TULP4: variants seen among roughly 807,000 people sequenced by gnomAD.
TULP4 encodes the protein tubby-related protein 4.
In TULP4, 16 loss-of-function variants were observed where a neutral mutation model predicts 129.0. That is an observed-to-expected ratio of 0.12 (90% CI 0.08 to 0.19). The LOEUF is 0.19. TULP4 is among the 10% of genes least tolerant of loss of function. TULP4 has a pLI of 1.00. For missense variants in TULP4, 1,842 were observed against 2,059.1 expected (o/e 0.89, Z 2.04); for synonymous variants, 998 against 854.0 (o/e 1.17, Z -2.94).
chr6:158,242,439 A>G (rs1777941813), intron 1 of TULP4: 1 of 1,064,278 alleles, frequency 9.4e-7, no homozygotes, highest in African/African-American at 1.6e-5. Context: ...TTATGCCACT[A>G]AGCATTCATC....
chr6:158,316,754 C>T (rs1166919628), intron 1 of TULP4, among the ~76,000 whole-genome samples: 1 of 152,146 alleles, frequency 6.6e-6, no homozygotes, highest in Non-Finnish European at 1.5e-5. Flanking sequence ...GGCTGGGAAA[C>T]GTGGTACCAG....
intron 1 of TULP4, among the ~76,000 whole-genome samples, chr6:158,323,508 T>A: frequency 6.8e-6 from 1 of 146,536 alleles, no homozygotes; most frequent in East Asian, 2.0e-4. Flanking sequence ...TTTCTGTTCA[T>A]GTGAGCATAT....
chr6:158,298,265 T>C (rs185367206), intron 1 of TULP4, among the ~76,000 whole-genome samples: 13 of 152,308 alleles, frequency 8.5e-5, no homozygotes, highest in African/African-American at 2.9e-4. Context: ...GTTAACACAA[T>C]TATCACAGTG....
chr6:158,269,839 G>T (rs965248910), intron 1 of TULP4, among the ~76,000 whole-genome samples: 1 of 152,232 alleles, frequency 6.6e-6, no homozygotes, highest in African/African-American at 2.4e-5. Flanking sequence ...AAGTTACCCA[G>T]TCAGGTGGTG....
intron 1 of TULP4, among the ~76,000 whole-genome samples, chr6:158,346,128 G>A (rs1246904004): frequency 6.6e-6 from 1 of 152,064 alleles, no homozygotes; most frequent in Non-Finnish European, 1.5e-5. Flanking sequence ...CTGTTATTCT[G>A]TTCTTTTTCA....
At chr6:158,408,285 C>G (rs1028284722) in intron 1 of TULP4, among the ~76,000 whole-genome samples, 1 of 151,966 alleles carries the variant, frequency 6.6e-6, no homozygotes, top group Non-Finnish European at 1.5e-5. Flanking sequence ...AAGGGTGGCA[C>G]GAAGCATGTG....
chr6:158,290,427 T>G (rs1181530178), intron 1 of TULP4, among the ~76,000 whole-genome samples: 1 of 152,250 alleles, frequency 6.6e-6, no homozygotes, highest in Non-Finnish European at 1.5e-5. Context: ...CTTTGTTGGA[T>G]GAATAATTTT....
chr6:158,453,485 C>CAAA lies in TULP4; in HGVS notation c.859+1239_859+1241dup, dbSNP rs869146924. ...GGTGACAGAGCGAGACTCTGTCTCA[C>CAAA]AAAAAAAAAAAAAAAAAAAAAAAAG... On this transcript the variant is annotated intron_variant, in intron 5 of 13. Transcript: ENST00000367097. 8.9e-3 allele frequency among the ~76,000 whole-genome samples: 159 copies of CAAA among 17,914 alleles called. 11 individuals are homozygous for CAAA. Among genetic ancestry groups the CAAA allele is most frequent in the African/African-American group, 7.7e-3 (37 of 4,788 alleles). The allele number at this position is 17,914 out of a possible 152,430, so 11.8% of individuals were successfully genotyped here.
rs1390849326 is a variant in TULP4, at chr6:158,503,073, A to G, written c.3410A>G (p.Glu1137Gly). The change falls in exon 13 of 14, where the codon GAA becomes GGA. Residue 1137 changes from glutamate to glycine, a missense_variant. Around this residue, in one of 5 missense-constraint regions of TULP4, gnomAD observed 1,089 missense variants for 987.1 expected, o/e 1.10. Transcript: ENST00000367097. This position sits in a 1 kb window ranked among gnomAD's most constrained non-coding sequence, Gnocchi z 4.3. ...MLGEDVWVPQ[E>G]RTAQTSGPNP... ...GGTGAGGATGTTTGGGTTCCTCAAG[A>G]AAGGACAGCACAGACTTCAGGGCCC... 1 of 1,614,100 alleles carries G rather than the reference A, an allele frequency of 6.2e-7. No homozygotes were observed. The highest frequency in any genetic ancestry group is 2.2e-5 in the East Asian group (1 of 44,876).
intron 1 of TULP4, among the ~76,000 whole-genome samples, chr6:158,397,621 ATTC>A (rs1195411943): frequency 3.3e-5 from 5 of 152,024 alleles, no homozygotes; most frequent in Non-Finnish European, 5.9e-5. Flanking sequence ...GCCCAAGACA[ATTC>A]TTCTTCCAGT....
At chr6:158,245,383 C>T (rs1778009651) in intron 1 of TULP4, among the ~76,000 whole-genome samples, 1 of 151,624 alleles carries the variant, frequency 6.6e-6, no homozygotes, top group South Asian at 2.1e-4. Flanking sequence ...GCTGTTCCTT[C>T]TCTTGCTGAT....
At chr6:158,417,242 C>G (rs375537827) in intron 2 of TULP4, among the ~76,000 whole-genome samples, 1 of 152,174 alleles carries the variant, frequency 6.6e-6, no homozygotes, top group Non-Finnish European at 1.5e-5. Context: ...TCCATAGCAG[C>G]TGTGCAGTCA....
At chr6:158,338,859 C>G (rs1370387655) in intron 1 of TULP4, among the ~76,000 whole-genome samples, 1 of 152,218 alleles carries the variant, frequency 6.6e-6, no homozygotes, top group Non-Finnish European at 1.5e-5. Flanking sequence ...AATATTCTCT[C>G]TGGCTCTGGG....
At chr6:158,246,211 A>C (rs532750478) in intron 1 of TULP4, among the ~76,000 whole-genome samples, 1 of 152,298 alleles carries the variant, frequency 6.6e-6, no homozygotes, top group African/African-American at 2.4e-5. Context: ...CTAAAATTAA[A>C]TACATCTGGG....
intron 1 of TULP4, among the ~76,000 whole-genome samples, chr6:158,369,064 TA>T (rs1777010585): frequency 6.6e-6 from 1 of 152,188 alleles, no homozygotes; most frequent in African/African-American, 2.4e-5. Context: ...AGAATTCATT[TA>T]AAAAATACAA....
In TULP4 at chr6:158,399,541, T is replaced by C. The variant is rs537185600; in HGVS notation, c.253-13524T>C. ...AGGACCACACTTGAGTTAGAATCAG[T>C]GAAGTGTACTTACTGGTGGTGGTAA... On this transcript the variant is annotated intron_variant, in intron 1 of 13. Transcript: ENST00000367097. 5.3e-5 allele frequency among the ~76,000 whole-genome samples: 8 copies of C among 152,320 alleles called. No individual in the cohort carries two copies. In the South Asian group the frequency reaches 1.7e-3, roughly 32 times the overall value.
intron 5 of TULP4, among the ~76,000 whole-genome samples, chr6:158,456,351 AATGTGGCCCAACACAAATTTGT>A (rs1779291522): frequency 6.6e-6 from 1 of 152,194 alleles, no homozygotes; most frequent in East Asian, 1.9e-4. Flanking sequence ...GACAGCTTTG[AATGTGGCCCAACACAAATTTGT>A]AAACTTTCTG....
chr6:158,270,679 G>A (rs1029955080), intron 1 of TULP4, among the ~76,000 whole-genome samples: 15 of 152,166 alleles, frequency 9.9e-5, no homozygotes, highest in African/African-American at 3.1e-4. Context: ...TGTGATGCTT[G>A]CCTCCTTTTA....
At chr6:158,243,976 T>C (rs1009458827) in intron 1 of TULP4, among the ~76,000 whole-genome samples, 2 of 152,066 alleles carry the variant, frequency 1.3e-5, no homozygotes, top group African/African-American at 4.8e-5. Flanking sequence ...TTCCCTTGAT[T>C]TACCAGTTTT....
Sources: allele counts gnomAD v4.1 joint callset (sites outside exome capture counted in the v4.1 genomes callset), GRCh38; gene constraint gnomAD v4.1.1; regional missense constraint gnomAD v4.1.1; non-coding constraint Gnocchi (gnomAD v3.1); transcripts MANE v1.5; gene names NCBI Gene and HGNC (gene_info 2026-07-23, HGNC 2026-07-21).